Variants in GALM observed in about 807,000 individuals in gnomAD.
The protein encoded by GALM is aldose 1-epimerase.
Under a neutral mutation model 37.4 loss-of-function variants are expected in GALM, and 43 were observed. The observed-to-expected ratio is 1.15, with a 90% CI of 0.90 to 1.48. The LOEUF is 1.48. Among genes scored for constraint, GALM ranks in the 40% most tolerant of loss-of-function variants. GALM has a pLI of 0.00. For synonymous variants in GALM, 199 were observed against 170.6 expected (o/e 1.17, Z -1.30); for missense variants, 456 against 419.1 (o/e 1.09, Z -0.77).
chr2:38,686,719 C>A lies in GALM; in HGVS notation c.553-3094C>A, dbSNP rs1182261086. 3.9e-5 allele frequency among the ~76,000 whole-genome samples: 6 copies of A among 152,144 alleles called. No homozygotes were observed. In the South Asian group the frequency reaches 1.0e-3, roughly 26 times the overall value. ...CAAAGGAATATAACATGGATGATCC[C>A]AGTAGCATTATGTTGTGTGGAAATA... On this transcript the variant is annotated intron_variant, in intron 3 of 6. Coordinates refer to ENST00000272252, the MANE Select transcript of GALM (RefSeq NM_138801.3).
chr2:38,695,555 C>T (rs1665786656), intron 4 of GALM, among the ~76,000 whole-genome samples: 2 of 152,220 alleles, frequency 1.3e-5, no homozygotes, highest in Non-Finnish European at 2.9e-5. Context: ...TAGAAAACTT[C>T]TCTAAAACAG....
chr2:38,667,236 C>T (rs961433339), intron 1 of GALM, among the ~76,000 whole-genome samples: 1 of 152,160 alleles, frequency 6.6e-6, no homozygotes, highest in Non-Finnish European at 1.5e-5. Context: ...ATACTCTCTG[C>T]TCAGTGGTTG....
chr2:38,732,002 C>G, intron 6 of GALM, 93 bp downstream of exon 6: 1 of 1,064,146 alleles, frequency 9.4e-7, no homozygotes, highest in African/African-American at 1.6e-5. Flanking sequence ...TTGTATGATT[C>G]AAAAGTTCAT....
chr2:38,714,260 G>A (rs1021900263), intron 4 of GALM, among the ~76,000 whole-genome samples: 27 of 152,140 alleles, frequency 1.8e-4, no homozygotes, highest in African/African-American at 6.3e-4. Flanking sequence ...TGTTGCCCAG[G>A]CGGGAGTGCA....
At chr2:38,698,223 T>G (rs1009952125) in intron 4 of GALM, 1 of 342,424 alleles carries the variant, frequency 2.9e-6, no homozygotes, top group Non-Finnish European at 5.8e-6. Flanking sequence ...GGATTATATA[T>G]ATATTTTAAA....
intron 2 of GALM, among the ~76,000 whole-genome samples, chr2:38,676,941 C>T (rs1448709606): frequency 2.0e-5 from 3 of 152,210 alleles, no homozygotes; most frequent in Non-Finnish European, 2.9e-5. Context: ...CCGCCCCATG[C>T]AGCATGGCGC....
chr2:38,669,856 A>T (rs1427416173), intron 1 of GALM, among the ~76,000 whole-genome samples: 1 of 151,654 alleles, frequency 6.6e-6, no homozygotes, highest in Non-Finnish European at 1.5e-5. Context: ...CTGGTGACAA[A>T]GCAAGACTTC....
At chr2:38,692,146 A>G (rs1035127723) in intron 4 of GALM, among the ~76,000 whole-genome samples, 1 of 152,208 alleles carries the variant, frequency 6.6e-6, no homozygotes, top group Non-Finnish European at 1.5e-5. Context: ...AGCTCATGAA[A>G]AATTTGTAAT....
chr2:38,689,683 A>G, intron 3 of GALM, 130 bp from the exon 4 acceptor site: 1 of 641,896 alleles, frequency 1.6e-6, no homozygotes, highest in Admixed American at 2.6e-5. Flanking sequence ...ATATTTAATC[A>G]TGACCATCAG....
chr2:38,715,437 T>G (rs1158673681), intron 4 of GALM, among the ~76,000 whole-genome samples: 1 of 152,114 alleles, frequency 6.6e-6, no homozygotes, highest in African/African-American at 2.4e-5. Flanking sequence ...GGCGTTTTTG[T>G]TGTTTATTTT....
intron 2 of GALM, among the ~76,000 whole-genome samples, chr2:38,679,283 G>A (rs114491472): frequency 0.018 from 2,733 of 152,188 alleles, 82 homozygotes; most frequent in African/African-American, 0.06. Context: ...CACTGCACCC[G>A]GCCACATGTG....
chr2:38,708,724 G>A (rs1666092118), intron 4 of GALM, among the ~76,000 whole-genome samples: 4 of 132,564 alleles, frequency 3.0e-5, no homozygotes, highest in Admixed American at 2.4e-4. Flanking sequence ...GCGAGACTCT[G>A]TCTCAAGAAA....
In GALM at chr2:38,704,472, A is replaced by T. The variant is rs1156391917; in HGVS notation, c.634+14578A>T. Among the ~76,000 whole-genome samples the T allele has an allele frequency of 4.6e-5, 7 of 152,160 alleles. No individual in the cohort carries two copies. The East Asian group carries it at 1.4e-3, about 29-fold the overall frequency. On this transcript the variant is annotated intron_variant, in intron 4 of 6. Coordinates refer to ENST00000272252, the MANE Select transcript of GALM (RefSeq NM_138801.3). ...ATTGATTGGGTCCAGGAGTTCAAGAACCTGAGAAATACAGAGAGACCCCAT... is the reference window on the plus strand; with the variant it reads ...ATTGATTGGGTCCAGGAGTTCAAGATCCTGAGAAATACAGAGAGACCCCAT...
intron 2 of GALM, among the ~76,000 whole-genome samples, chr2:38,677,753 G>A (rs1665293273): frequency 6.6e-6 from 1 of 152,170 alleles, no homozygotes; most frequent in Admixed American, 6.6e-5. Flanking sequence ...CTGTGAAGCA[G>A]GGGGCACAGT....
chr2:38,684,934 T>C (rs767068198), intron 3 of GALM, among the ~76,000 whole-genome samples: 1 of 152,168 alleles, frequency 6.6e-6, no homozygotes, highest in Non-Finnish European at 1.5e-5. Flanking sequence ...GACATGTCAT[T>C]AAGGACCCAG....
intron 2 of GALM, among the ~76,000 whole-genome samples, chr2:38,678,131 C>G (rs1477058586): frequency 2.0e-5 from 3 of 151,966 alleles, no homozygotes; most frequent in African/African-American, 7.3e-5. Flanking sequence ...ATTCTCCTGC[C>G]TCAGCCTCCC....
intron 4 of GALM, among the ~76,000 whole-genome samples, chr2:38,711,740 T>C (rs1287646757): frequency 1.2e-3 from 1 of 866 alleles, no homozygotes; most frequent in Non-Finnish European, 3.1e-3. Flanking sequence ...ACCATCATCA[T>C]TAACATCACC....
chr2:38,673,521 C>T (rs1386650138), intron 1 of GALM, among the ~76,000 whole-genome samples: 1 of 152,080 alleles, frequency 6.6e-6, no homozygotes, highest in Non-Finnish European at 1.5e-5. Context: ...TAAAAAGGCC[C>T]CAAACAGTTT....
chr2:38,704,470 G>T (rs147532656), intron 4 of GALM, among the ~76,000 whole-genome samples: 13 of 152,112 alleles, frequency 8.5e-5, no homozygotes, highest in African/African-American at 2.9e-4. Flanking sequence ...AGGAGTTCAA[G>T]AACCTGAGAA....
Sources: gnomAD v4.1 joint callset for allele counts (sites outside exome capture counted in the v4.1 genomes callset) on GRCh38, gnomAD v4.1.1 for gene constraint, MANE v1.5 for transcripts, NCBI Gene and HGNC (gene_info 2026-07-23, HGNC 2026-07-21) for gene names.